The following SLC36A1 variants were observed in gnomAD, a reference collection of about 807,000 sequenced individuals.
SLC36A1 encodes the protein solute carrier family 36 member 1, also known as proton-coupled amino acid transporter 1.
In SLC36A1, 30 loss-of-function variants were observed where a neutral mutation model predicts 47.5. The observed-to-expected ratio is 0.63, with a 90% CI of 0.47 to 0.86. The LOEUF (loss-of-function observed/expected upper bound fraction) is 0.86. Among genes scored for constraint, SLC36A1 ranks in the 40% least tolerant of loss-of-function variants. The pLI is 0.00. For synonymous variants in SLC36A1, 255 were observed against 249.7 expected (o/e 1.02, Z -0.20); for missense variants, 517 against 606.0 (o/e 0.85, Z 1.54).
chr5:151,432,331 T>TC (rs1416864510), upstream of SLC36A1, among the ~76,000 whole-genome samples: 1 of 152,224 alleles, frequency 6.6e-6, no homozygotes, highest in Non-Finnish European at 1.5e-5. Context: ...AGCAAAGCTT[T>TC]CCCCGAGAAC....
At chr5:151,401,570 T>C in the SLC36A1 span, among the ~76,000 whole-genome samples, 1 of 152,174 alleles carries the variant, frequency 6.6e-6, no homozygotes, top group Admixed American at 6.5e-5. Context: ...AAAATAAAAT[T>C]TGTAGTTTAT....
At chr5:151,541,562 G>T in the SLC36A1 span, among the ~76,000 whole-genome samples, 1 of 152,200 alleles carries the variant, frequency 6.6e-6, no homozygotes, top group Non-Finnish European at 1.5e-5. Flanking sequence ...TCATGGGAAT[G>T]GGGGGACATG....
chr5:151,502,309 C>CAA, the SLC36A1 span, among the ~76,000 whole-genome samples: 10,563 of 126,992 alleles, frequency 0.083, 2,542 homozygotes, highest in African/African-American at 0.32. Flanking sequence ...GAGACTCTGT[C>CAA]AAAAAAAAAA....
chr5:151,456,062 A>T (rs929869179), intron 1 of SLC36A1, among the ~76,000 whole-genome samples: 3 of 152,182 alleles, frequency 2.0e-5, no homozygotes, highest in Non-Finnish European at 2.9e-5. Flanking sequence ...CTGGACCCGT[A>T]ATTTAAAGGG....
At chr5:151,537,195 GAGAGAAAGAAGA>G in the SLC36A1 span, among the ~76,000 whole-genome samples, 2 of 150,680 alleles carry the variant, frequency 1.3e-5, no homozygotes, top group African/African-American at 4.9e-5. Flanking sequence ...AAGAGAGAGA[GAGAGAAAGAAGA>G]AGAGGAAGAA....
At chr5:151,493,642 CATT>C (rs969997923), downstream of SLC36A1, among the ~76,000 whole-genome samples, 2 of 152,172 alleles carry the variant, frequency 1.3e-5, no homozygotes, top group African/African-American at 4.8e-5. Context: ...TTTTCGTTGT[CATT>C]ATCATTTCTG....
chr5:151,530,372 G>A, the SLC36A1 span, among the ~76,000 whole-genome samples: 1 of 152,144 alleles, frequency 6.6e-6, no homozygotes, highest in Non-Finnish European at 1.5e-5. Context: ...CAAGGCCTTT[G>A]ATCCAAATGT....
chr5:151,480,703 A>T (rs141657261), intron 10 of SLC36A1, among the ~76,000 whole-genome samples: 1 of 152,364 alleles, frequency 6.6e-6, no homozygotes, highest in African/African-American at 2.4e-5. Context: ...ATCTTGTGCC[A>T]GTAACTCTCC....
the SLC36A1 span, chr5:151,506,104 G>C: frequency 6.6e-7 from 1 of 1,506,460 alleles, no homozygotes; most frequent in Non-Finnish European, 8.8e-7. Flanking sequence ...TACACTGAAA[G>C]GGAACAGCAA....
At chr5:151,478,461 G>C (rs1758369632) in intron 9 of SLC36A1, among the ~76,000 whole-genome samples, 1 of 152,234 alleles carries the variant, frequency 6.6e-6, no homozygotes, top group Non-Finnish European at 1.5e-5. Flanking sequence ...AGTAGGAAGA[G>C]AGCCATAGTG....
Position 151,488,021 on chromosome 5 carries a change from A to G in SLC36A1, c.1198A>G (p.Ile400Val). Residue 400 changes from isoleucine (I) to valine (V), a missense_variant, in exon 11 of 11, where the codon ATC becomes GTC. Ile to Val is a conservative substitution (Grantham distance 29). Coordinates refer to ENST00000243389, the MANE Select transcript of SLC36A1 (RefSeq NM_078483.4). ...AILIPRLDLVISLVGSVSSSA... is the reference protein window; with the variant it reads ...AILIPRLDLVVSLVGSVSSSA... ...CCTCATCCCCCGCCTGGACCTGGTC[A>G]TCTCCCTGGTGGGCTCCGTGAGCAG... The G allele has an allele frequency of 3.7e-6, 6 of 1,614,092 alleles. No individual in the cohort carries two copies. Among genetic ancestry groups the G allele is most frequent in the Non-Finnish European group, 5.1e-6 (6 of 1,180,008 alleles).
chr5:151,377,085 A>G, the SLC36A1 span, among the ~76,000 whole-genome samples: 1 of 152,198 alleles, frequency 6.6e-6, no homozygotes, highest in Non-Finnish European at 1.5e-5. Flanking sequence ...AAGACACTTC[A>G]TAGGGTTTCA....
intron 10 of SLC36A1, among the ~76,000 whole-genome samples, chr5:151,485,310 C>T (rs973011556): frequency 5.3e-5 from 8 of 152,086 alleles, no homozygotes. Context: ...AAGAACTGCC[C>T]CAGAGTATAT....
chr5:151,352,083 C>G, the SLC36A1 span, among the ~76,000 whole-genome samples: 11 of 152,184 alleles, frequency 7.2e-5, no homozygotes, highest in African/African-American at 2.7e-4. Flanking sequence ...GCATTTGCTG[C>G]TCTCTGTGCC....
chr5:151,534,340 G>A, the SLC36A1 span: 3 of 1,288,612 alleles, frequency 2.3e-6, no homozygotes, highest in Non-Finnish European at 3.2e-6. Flanking sequence ...AGACACAAAG[G>A]GGACCAAACC....
chr5:151,550,628 G>A, the SLC36A1 span: 34 of 1,614,112 alleles, frequency 2.1e-5, no homozygotes, highest in South Asian at 3.3e-4. Flanking sequence ...CCCGAGCCGA[G>A]GTCCAATTTT....
intron 1 of SLC36A1, 144 bp from the exon 2 acceptor site, chr5:151,458,644 C>T: frequency 1.1e-6 from 1 of 870,866 alleles, no homozygotes; most frequent in Non-Finnish European, 1.7e-6. Flanking sequence ...TCCCTTGGTA[C>T]CAGGCACTTT....
chr5:151,542,595 G>A, the SLC36A1 span: 1 of 1,614,186 alleles, frequency 6.2e-7, no homozygotes, highest in Non-Finnish European at 8.5e-7. Context: ...AGAGCTCATG[G>A]ACATTGCTAC....
At chr5:151,501,798 A>G in the SLC36A1 span, among the ~76,000 whole-genome samples, 25 of 148,142 alleles carry the variant, frequency 1.7e-4, no homozygotes, top group Admixed American at 1.6e-3. Flanking sequence ...GGTGCTGGAC[A>G]GCTGGACAGC....
Sources: allele counts gnomAD v4.1 joint callset (sites outside exome capture counted in the v4.1 genomes callset), GRCh38; gene constraint gnomAD v4.1.1; transcripts MANE v1.5; gene names NCBI Gene and HGNC (gene_info 2026-07-23, HGNC 2026-07-21).